The following RET variants were observed in gnomAD, a reference collection of about 807,000 sequenced individuals.
The protein encoded by RET is proto-oncogene tyrosine-protein kinase receptor Ret.
A neutral mutation model predicts 118.3 loss-of-function variants in RET; 19 were observed. The ratio of observed to expected loss-of-function variants is 0.16; its 90% CI spans 0.11 to 0.24. RET has a LOEUF of 0.24. Ranked by LOEUF, RET falls within the 10% of genes least tolerant of loss-of-function variation. The pLI is 1.00. For missense variants in RET, 1,219 were observed against 1,502.1 expected (o/e 0.81, Z 3.12); for synonymous variants, 597 against 644.1 (o/e 0.93, Z 1.11).
chr10:43,126,904 T>A lies in RET; in HGVS notation c.3187+182T>A. 2.1e-6 allele frequency: 3 copies of A among 1,441,868 alleles called. No individual in the cohort carries two copies. The South Asian group carries it at 4.5e-5, about 22-fold the overall frequency. 89.3% of individuals were successfully genotyped at this position (1,441,868 alleles called of 1,614,324 possible). A position where few individuals can be genotyped will look rare whatever the true frequency, so the allele number is the denominator to read the frequency against. ...TTACATTTAGGCATTATTGCAACTA[T>A]GTTTTTCTAAAAGGATGTGAAAATA... On this transcript the variant is annotated intron_variant, in intron 19 of 19. Transcript: ENST00000355710.
chr10:43,121,889 C>A, intron 15 of RET, 57 bp from the exon 16 acceptor site: 1 of 1,360,012 alleles, frequency 7.4e-7, no homozygotes, highest in Non-Finnish European at 1.1e-6. Flanking sequence ...TCTCCTTTAC[C>A]CCTCCTTCCT....
intron 1 of RET, among the ~76,000 whole-genome samples, chr10:43,097,149 C>G (rs960253809): frequency 6.6e-6 from 1 of 152,186 alleles, no homozygotes; most frequent in African/African-American, 2.4e-5. Context: ...CACATGTGGG[C>G]TTTGTGGTGG....
chr10:43,122,002 C>T lies in RET; in HGVS notation c.2787C>T (p.Thr929=), dbSNP rs747648232. Residue 929 remains threonine, a synonymous_variant, in exon 16 of 20, where the codon ACC becomes ACT. Transcript: ENST00000355710. ...AATCCCTTTTTGATCATATCTACAC[C>T]ACGCAAAGTGATGTGTAAGTGTGGG... ...AIESLFDHIY[T]TQSDVWSFGV... 2 of 1,613,342 alleles carry T rather than the reference C, an allele frequency of 1.2e-6. No individual in the cohort carries two copies. Among genetic ancestry groups the T allele is most frequent in the Non-Finnish European group, 1.7e-6 (2 of 1,179,440 alleles).
At chr10:43,099,783 C>T (rs1203025965) in intron 1 of RET, among the ~76,000 whole-genome samples, 4 of 152,216 alleles carry the variant, frequency 2.6e-5, no homozygotes, top group Non-Finnish European at 5.9e-5. Flanking sequence ...GTGCGCTCTT[C>T]TCTGCCTGGC....
At chr10:43,098,185 C>T (rs182178914) in intron 1 of RET, among the ~76,000 whole-genome samples, 140 of 152,278 alleles carry the variant, frequency 9.2e-4, no homozygotes, top group African/African-American at 3.1e-3. Flanking sequence ...ACCTCCGTCC[C>T]TGAACTTTTC....
At position 43,112,109 on chromosome 10, in the gene RET, G is replaced by T. The variant is rs1588872048; in HGVS notation, c.1533G>T (p.Glu511Asp). 1 of 1,602,282 alleles carries T rather than the reference G, an allele frequency of 6.2e-7. No homozygotes were observed. Among genetic ancestry groups the T allele is most frequent in the Non-Finnish European group, 8.5e-7 (1 of 1,174,568 alleles). ...LVTVEGSYVA[E>D]EAGCPLSCAV... ...GTCTGCCACCTGCAGATGTGGCCGA[G>T]GAGGCGGGCTGCCCCCTGTCCTGTG... The change falls in exon 8 of 20, where the codon GAG (glutamate) becomes GAT (aspartate). Residue 511 changes from glutamate (E) to aspartate (D), a missense_variant. Transcript: ENST00000355710.
rs749646777 is a variant in RET at position 43,114,724 on chromosome 10, C to T, written c.2124C>T (p.Ala708=). The stretch of plus-strand genomic sequence containing the variant: ...TGGAGAACCAGGTCTCCGTGGATGC[C>T]TTCAAGATCCTGGTGAGGGTCCCTG... The part of the protein sequence containing the change: ...DSMENQVSVD[A]FKILEDPKWE... Residue 708 remains alanine, a synonymous_variant, in exon 11 of 20, where the codon GCC becomes GCT. Transcript: ENST00000355710. This position sits in a 1 kb window ranked among gnomAD's most constrained non-coding sequence, Gnocchi z 4.6. The T allele has an allele frequency of 5.6e-6, 9 of 1,610,318 alleles. No homozygotes were observed. The African/African-American group carries it at 8.0e-5, about 14-fold the overall frequency.
chr10:43,122,215 A>G (rs576995418), intron 16 of RET, among the ~76,000 whole-genome samples, 199 bp downstream of exon 16: 50 of 152,302 alleles, frequency 3.3e-4, no homozygotes, highest in African/African-American at 1.2e-3. Flanking sequence ...TGGCTGGGCC[A>G]GGCCGGGCTG....
At chr10:43,113,147 G>A (rs894400209) in intron 9 of RET, among the ~76,000 whole-genome samples, 184 bp downstream of exon 9, 3 of 152,156 alleles carry the variant, frequency 2.0e-5, no homozygotes, top group Non-Finnish European at 4.4e-5. Flanking sequence ...ACAGGGGGAA[G>A]GCAGGGACCC....
At chr10:43,097,642 T>C (rs1475900970) in intron 1 of RET, among the ~76,000 whole-genome samples, 1 of 152,098 alleles carries the variant, frequency 6.6e-6, no homozygotes, top group Non-Finnish European at 1.5e-5. Flanking sequence ...CAGCACCCCC[T>C]CCCACCCCGA....
rs1035958105 is a variant in RET at position 43,114,507 on chromosome 10, C to T, written c.1907C>T (p.Thr636Met). The T allele has an allele frequency of 5.0e-6, 8 of 1,608,332 alleles. No homozygotes were observed. The Admixed American group carries it at 6.7e-5, about 13-fold the overall frequency. Reference sequence around the variant, plus strand: ...CCACTGTGCGACGAGCTGTGCCGCACGGTGATCGCAGCCGCTGTCCTCTTC... The same window carrying T: ...CCACTGTGCGACGAGCTGTGCCGCATGGTGATCGCAGCCGCTGTCCTCTTC... The part of the protein sequence containing the change: ...QDPLCDELCR[T>M]VIAAAVLFSF... Residue 636 changes from threonine (T) to methionine (M), a missense_variant, in exon 11 of 20, where the codon ACG (threonine) becomes ATG (methionine). Thr to Met is a moderately conservative substitution (Grantham distance 81). Around this residue, in one of 5 missense-constraint regions of RET, gnomAD observed 850 missense variants for 969.6 expected, o/e 0.88. Transcript: ENST00000355710. The surrounding 1 kb of genome is among the most constrained non-coding windows in gnomAD (Gnocchi z 4.6).
intron 15 of RET, 104 bp downstream of exon 15, chr10:43,120,307 A>G: frequency 6.7e-7 from 1 of 1,491,990 alleles, no homozygotes; most frequent in Non-Finnish European, 9.1e-7. Flanking sequence ...AGATTAGTGG[A>G]GCTCTAAGCT....
chr10:43,127,599 C>A, intron 19 of RET: 2 of 462,574 alleles, frequency 4.3e-6, no homozygotes, highest in Non-Finnish European at 5.9e-6. Context: ...TGCCTCCTGA[C>A]TCACTGACTC....
At position 43,108,953 on chromosome 10, in the gene RET, G is replaced by A. The variant is rs1252216434; in HGVS notation, c.1064-78G>A. The stretch of plus-strand genomic sequence containing the variant: ...TTTGCACCAGTGTGAGTGCAGGGCT[G>A]TGTCTGGGAAGAGGTGTGCTACACA... On this transcript the variant is annotated intron_variant, in intron 5 of 19. Coordinates refer to ENST00000355710, the MANE Select transcript of RET (RefSeq NM_020975.6). 1.8e-5 allele frequency: 25 copies of A among 1,387,470 alleles called. No individual in the cohort carries two copies. In the East Asian group the frequency reaches 5.5e-4, roughly 30 times the overall value. 85.9% of individuals were successfully genotyped at this position (1,387,470 alleles called of 1,614,324 possible).
chr10:43,077,435 C>G (rs111514357), intron 1 of RET, 104 bp downstream of exon 1: 1 of 1,331,988 alleles, frequency 7.5e-7, no homozygotes, highest in Non-Finnish European at 9.7e-7. Flanking sequence ...CCGTGGGCAG[C>G]GGGCTGTGCG....
intron 15 of RET, among the ~76,000 whole-genome samples, chr10:43,120,951 A>G (rs1838203652): frequency 6.6e-6 from 1 of 152,168 alleles, no homozygotes; most frequent in Admixed American, 6.5e-5. Flanking sequence ...AAGAAAAAAA[A>G]AAACCACAAA....
intron 5 of RET, among the ~76,000 whole-genome samples, chr10:43,107,564 C>G (rs2565205): frequency 0.068 from 4,352 of 64,246 alleles, 67 homozygotes; most frequent in African/African-American, 0.084. Flanking sequence ...ATGCCTCACA[C>G]ACACACACAC....
Position 43,126,785 on chromosome 10 carries a change from C to T in RET, c.3187+63C>T, listed in dbSNP as rs750508235. The T allele has an allele frequency of 4.4e-6, 7 of 1,584,462 alleles. No individual in the cohort carries two copies. In the South Asian group the frequency reaches 6.8e-5, roughly 15 times the overall value. On this transcript the variant is annotated intron_variant, in intron 19 of 19. Coordinates refer to ENST00000355710, the MANE Select transcript of RET (RefSeq NM_020975.6). Reference sequence around the variant, plus strand: ...CTGTCCCCTTTGCACTATCCTTCCTCTCTGTGATGCTTTTTAAAAATGTTT... The same window carrying T: ...CTGTCCCCTTTGCACTATCCTTCCTTTCTGTGATGCTTTTTAAAAATGTTT...
In RET at chr10:43,105,107, A is replaced by G. The variant is rs1287295258; in HGVS notation, c.781A>G (p.Thr261Ala). 2 of 1,612,332 alleles carry G rather than the reference A, an allele frequency of 1.2e-6. No homozygotes were observed. The highest frequency in any genetic ancestry group is 3.3e-5 in the Admixed American group (2 of 59,982). ...EEVVMVPFPV[T>A]VYDEDDSAPT... ...GGTGGTGATGGTGCCCTTCCCGGTG[A>G]CCGTGTACGACGAGGACGACTCGGC... Residue 261 changes from threonine (T) to alanine (A), a missense_variant, in exon 4 of 20, where the codon ACC becomes GCC. By Grantham distance (58) the Thr-to-Ala change is moderately conservative. Coordinates refer to ENST00000355710, the MANE Select transcript of RET (RefSeq NM_020975.6).
Sources: allele counts gnomAD v4.1 joint callset (sites outside exome capture counted in the v4.1 genomes callset), GRCh38; gene constraint gnomAD v4.1.1; regional missense constraint gnomAD v4.1.1; non-coding constraint Gnocchi (gnomAD v3.1); transcripts MANE v1.5; gene names NCBI Gene and HGNC (gene_info 2026-07-23, HGNC 2026-07-21).